Variants in AGMO observed in about 807,000 individuals in gnomAD.
AGMO encodes glyceryl-ether monooxygenase.
Under a neutral mutation model 60.2 loss-of-function variants are expected in AGMO, and 75 were observed. The observed-to-expected ratio is 1.25, with a 90% CI of 1.03 to 1.51. The LOEUF (loss-of-function observed/expected upper bound fraction) is 1.51, where lower values mean the gene tolerates loss of function less well. Ranked by LOEUF, AGMO falls within the 40% of genes most tolerant of loss-of-function variation. The pLI, the probability that AGMO is intolerant of heterozygous loss-of-function variation, is 0.00. For missense variants in AGMO, 763 were observed against 525.5 expected (o/e 1.45, Z -4.42); for synonymous variants, 261 against 177.1 (o/e 1.47, Z -3.76).
At chr7:15,422,987 G>A (rs573470602) in intron 4 of AGMO, among the ~76,000 whole-genome samples, 1 of 152,270 alleles carries the variant, frequency 6.6e-6, no homozygotes, top group East Asian at 1.9e-4. Flanking sequence ...GGAGGTGAGA[G>A]AGTAAAGTAC....
At chr7:15,120,163 G>T in the AGMO span, among the ~76,000 whole-genome samples, 2 of 151,724 alleles carry the variant, frequency 1.3e-5, no homozygotes, top group East Asian at 1.9e-4. Context: ...ATTTTTTTTA[G>T]ATCTTTCATT....
intron 12 of AGMO, among the ~76,000 whole-genome samples, chr7:15,270,057 T>G (rs1023182337): frequency 6.6e-6 from 1 of 152,104 alleles, no homozygotes; most frequent in Non-Finnish European, 1.5e-5. Flanking sequence ...GTGTAACTAA[T>G]GCCGCAAAAA....
chr7:15,354,305 TGTATACACGCGTGTATATACGTACGC>T (rs1222263477), intron 12 of AGMO, among the ~76,000 whole-genome samples: 1 of 103,006 alleles, frequency 9.7e-6, no homozygotes, highest in African/African-American at 5.2e-5. Flanking sequence ...TATATATACG[TGTATACACGCGTGTATATACGTACGC>T]GTGTATATAC....
intron 12 of AGMO, among the ~76,000 whole-genome samples, chr7:15,233,110 A>C (rs1782305396): frequency 6.6e-6 from 1 of 152,222 alleles, no homozygotes; most frequent in African/African-American, 2.4e-5. Flanking sequence ...CCGCAAAAAA[A>C]GGCAAGAATT....
At chr7:15,133,704 A>G in the AGMO span, among the ~76,000 whole-genome samples, 197 of 152,298 alleles carry the variant, frequency 1.3e-3, no homozygotes, top group African/African-American at 4.5e-3. Context: ...CAAGCCTATA[A>G]TCCCAAAAAC....
chr7:15,551,723 C>T (rs1311191105), intron 2 of AGMO, among the ~76,000 whole-genome samples: 55 of 151,166 alleles, frequency 3.6e-4, no homozygotes, highest in African/African-American at 1.1e-3. Flanking sequence ...GAATCAATAT[C>T]GTGAAAATGG....
intron 2 of AGMO, among the ~76,000 whole-genome samples, chr7:15,550,452 C>T (rs1784918161): frequency 2.0e-5 from 3 of 152,168 alleles, no homozygotes; most frequent in South Asian, 2.1e-4. Context: ...AGAGAAGAAT[C>T]AAATAGACAC....
chr7:15,137,372 TTTTTA>T, the AGMO span, among the ~76,000 whole-genome samples: 1 of 152,254 alleles, frequency 6.6e-6, no homozygotes, highest in Non-Finnish European at 1.5e-5. Flanking sequence ...TTCTCTTTGA[TTTTTA>T]TTTGTTATTT....
rs559458545 is a variant in AGMO, at chr7:15,461,099, G to T, written c.410-29991C>A. On this transcript the variant is annotated intron_variant, in intron 3 of 12. Coordinates refer to ENST00000342526, the MANE Select transcript of AGMO (RefSeq NM_001004320.2). ...TCAAAATGTATGGCTATTTTATAAG[G>T]CCCCTAGATAAGGAGATATCTCCAG... Among the ~76,000 whole-genome samples the T allele has an allele frequency of 1.9e-4, 29 of 151,838 alleles. 1 individual carries two copies. Among genetic ancestry groups the T allele is most frequent in the South Asian group, 4.2e-4 (2 of 4,806 alleles).
chr7:15,432,379 T>TATATATATATATATATATACATAC (rs373845365), intron 3 of AGMO, among the ~76,000 whole-genome samples: 2,527 of 135,720 alleles, frequency 0.019, 112 homozygotes, highest in African/African-American at 0.068. Flanking sequence ...CATATATATA[T>TATATATATATATATATATACATAC]ACACTATCTG....
chr7:15,180,397 C>G, the AGMO span, among the ~76,000 whole-genome samples: 2 of 151,960 alleles, frequency 1.3e-5, no homozygotes, highest in Non-Finnish European at 2.9e-5. Context: ...TCATAAAGTC[C>G]TAGAACATGA....
intron 3 of AGMO, among the ~76,000 whole-genome samples, chr7:15,464,979 C>T (rs1040025290): frequency 6.6e-5 from 10 of 152,188 alleles, no homozygotes; most frequent in Non-Finnish European, 1.3e-4. Context: ...AAGTCAATGA[C>T]TGCTCGACAC....
chr7:15,402,011 C>T (rs1162756747), intron 5 of AGMO, among the ~76,000 whole-genome samples: 1 of 151,668 alleles, frequency 6.6e-6, no homozygotes, highest in Non-Finnish European at 1.5e-5. Flanking sequence ...TCTCCTTATT[C>T]ACTGCCACCA....
intron 5 of AGMO, among the ~76,000 whole-genome samples, 168 bp from the exon 6 acceptor site, chr7:15,394,347 C>G (rs1183290229): frequency 6.6e-6 from 1 of 152,032 alleles, no homozygotes; most frequent in Non-Finnish European, 1.5e-5. Flanking sequence ...CATATAAAGA[C>G]AATAGTAATC....
At chr7:15,381,377 C>A (rs867672980) in intron 10 of AGMO, among the ~76,000 whole-genome samples, 1 of 151,814 alleles carries the variant, frequency 6.6e-6, no homozygotes, top group African/African-American at 2.4e-5. Context: ...AGAACACGAA[C>A]CTTTCAAAAG....
Position 15,354,395 on chromosome 7 carries a change from C to CAG in AGMO, c.1263+11118_1263+11119insCT, listed in dbSNP as rs1563105204. 6.3e-3 allele frequency among the ~76,000 whole-genome samples: 239 copies of CAG among 37,914 alleles called. 18 individuals carry two copies. Among genetic ancestry groups the CAG allele is most frequent in the Middle Eastern group, 0.029 (2 of 68 alleles). 24.9% of individuals were successfully genotyped at this position (37,914 alleles called of 152,430 possible). A position where few individuals can be genotyped will look rare whatever the true frequency, so the allele number is the denominator to read the frequency against. On this transcript the variant is annotated intron_variant, in intron 12 of 12. Coordinates refer to ENST00000342526, the MANE Select transcript of AGMO (RefSeq NM_001004320.2). ...ACGTGTGTATACACGTGTGTGTATA[C>CAG]ACGTGTGTGTACACACGTGTGTGTA... is the stretch of plus-strand genomic sequence containing the variant.
intron 12 of AGMO, among the ~76,000 whole-genome samples, chr7:15,202,142 G>C (rs540498078): frequency 2.0e-5 from 3 of 152,142 alleles, no homozygotes; most frequent in Non-Finnish European, 4.4e-5. Context: ...GAGTTATTGG[G>C]ATAGCTGTGC....
At chr7:15,400,630 G>A (rs1350269278) in intron 5 of AGMO, among the ~76,000 whole-genome samples, 2 of 152,140 alleles carry the variant, frequency 1.3e-5, no homozygotes, top group African/African-American at 4.8e-5. Flanking sequence ...AGCTCTTGGA[G>A]TTTGAAGCCA....
chr7:15,408,356 G>C (rs534750630), intron 5 of AGMO, among the ~76,000 whole-genome samples: 1 of 151,916 alleles, frequency 6.6e-6, no homozygotes, highest in East Asian at 1.9e-4. Context: ...CATCACAATT[G>C]TTGTATGAAA....
Sources: gnomAD v4.1 joint callset for allele counts (sites outside exome capture counted in the v4.1 genomes callset) on GRCh38, gnomAD v4.1.1 for gene constraint, MANE v1.5 for transcripts, NCBI Gene and HGNC (gene_info 2026-07-23, HGNC 2026-07-21) for gene names.